The following PEAK1 variants were observed in gnomAD, a reference collection of about 807,000 sequenced individuals.
PEAK1 encodes the protein pseudopodium enriched atypical kinase 1.
A neutral mutation model predicts 124.7 loss-of-function variants in PEAK1; 54 were observed. That is an observed-to-expected ratio of 0.43 (90% confidence interval 0.35 to 0.54). The LOEUF (loss-of-function observed/expected upper bound fraction) is 0.54, where lower values mean the gene tolerates loss of function less well. PEAK1 is among the 20% of genes least tolerant of loss of function. The pLI, the probability that PEAK1 is intolerant of heterozygous loss-of-function variation, is 0.01. For missense variants in PEAK1, 2,046 were observed against 2,134.5 expected (o/e 0.96, Z 0.82); for synonymous variants, 719 against 760.0 (o/e 0.95, Z 0.89).
At chr15:77,306,051 T>TA (rs999872365) in intron 2 of PEAK1, among the ~76,000 whole-genome samples, 1 of 152,190 alleles carries the variant, frequency 6.6e-6, no homozygotes, top group African/African-American at 2.4e-5. Flanking sequence ...GAAAGGTACT[T>TA]AGACATATAA....
intron 6 of PEAK1, among the ~76,000 whole-genome samples, chr15:77,224,412 C>G (rs1427279586): frequency 1.3e-5 from 2 of 151,922 alleles, no homozygotes; most frequent in African/African-American, 2.4e-5. Context: ...TCTGATGGTG[C>G]CTTTCTTTCT....
intron 1 of PEAK1, chr15:77,404,066 C>G: frequency 1.0e-6 from 1 of 984,596 alleles, no homozygotes. Flanking sequence ...ATTTTACTGA[C>G]CATTCTGAGA....
chr15:77,361,827 A>G (rs937590024), intron 2 of PEAK1, among the ~76,000 whole-genome samples: 10 of 152,284 alleles, frequency 6.6e-5, no homozygotes, highest in African/African-American at 2.4e-4. Flanking sequence ...ATCAACCTAG[A>G]TGGCCAACAA....
At chr15:77,135,022 T>G (rs923754326) in intron 8 of PEAK1, among the ~76,000 whole-genome samples, 1 of 152,108 alleles carries the variant, frequency 6.6e-6, no homozygotes, top group South Asian at 2.1e-4. Context: ...ATACCAAGCA[T>G]TGATGGCCAC....
intron 9 of PEAK1, among the ~76,000 whole-genome samples, chr15:77,119,188 T>A (rs950182104): frequency 7.2e-5 from 11 of 152,192 alleles, no homozygotes; most frequent in Non-Finnish European, 1.6e-4. Flanking sequence ...GAGAAGCCCA[T>A]CCTGGGCACA....
chr15:77,283,844 A>C (rs1383915905), intron 5 of PEAK1, 39 bp downstream of exon 5: 2 of 944,410 alleles, frequency 2.1e-6, no homozygotes, highest in African/African-American at 3.6e-5. Context: ...AACCAAAATT[A>C]AATCAACTCA....
chr15:77,411,780 C>T (rs1230093393), intron 1 of PEAK1, among the ~76,000 whole-genome samples: 2 of 151,832 alleles, frequency 1.3e-5, no homozygotes, highest in Non-Finnish European at 2.9e-5. Flanking sequence ...TACTTTTTTA[C>T]TTTTTGTAAA....
chr15:77,116,748 CTATCTATA>C (rs2051424947), intron 9 of PEAK1, among the ~76,000 whole-genome samples: 2 of 137,266 alleles, frequency 1.5e-5, no homozygotes, highest in Non-Finnish European at 3.2e-5. Context: ...ATCTATCTAT[CTATCTATA>C]CCTCAGCACA....
At chr15:77,364,775 G>C (rs1597450850) in intron 2 of PEAK1, among the ~76,000 whole-genome samples, 4 of 152,216 alleles carry the variant, frequency 2.6e-5, no homozygotes, top group Non-Finnish European at 4.4e-5. Context: ...TAGAGTGGTA[G>C]AAAGCTCTTA....
rs114693086 is a variant in PEAK1, at chr15:77,244,019, T to A, written c.-115+8348A>T. On this transcript the variant is annotated intron_variant, in intron 6 of 9. Transcript: ENST00000682557. ...GAAACCCACAGATGGTTGGCAAAAG[T>A]GATCACATTCAACTCCTACTTCTCT... is the stretch of plus-strand genomic sequence containing the variant. Among the ~76,000 whole-genome samples, 21 of 151,604 alleles carry A rather than the reference T, an allele frequency of 1.4e-4. 2 individuals carry two copies. The highest frequency in any genetic ancestry group is 9.7e-4 in the East Asian group (5 of 5,180).
At chr15:77,116,844 G>T (rs573820654) in intron 9 of PEAK1, among the ~76,000 whole-genome samples, 1 of 152,000 alleles carries the variant, frequency 6.6e-6, no homozygotes, top group East Asian at 1.9e-4. Context: ...GCAAACTTCT[G>T]GTCTTGAACA....
intron 6 of PEAK1, among the ~76,000 whole-genome samples, chr15:77,250,201 A>G (rs1442676784): frequency 8.9e-6 from 1 of 112,960 alleles, no homozygotes; most frequent in Non-Finnish European, 2.1e-5. Flanking sequence ...ACATATATAT[A>G]CATATATATG....
intron 1 of PEAK1, chr15:77,370,831 A>T: frequency 1.4e-6 from 1 of 717,972 alleles, no homozygotes; most frequent in Non-Finnish European, 1.7e-6. Context: ...GGAGTTCGAG[A>T]CCATCCTGGC....
chr15:77,311,685 C>CAAAAAAAAAAAAAAAAAAAAAA (rs11296386), intron 2 of PEAK1, among the ~76,000 whole-genome samples: 1 of 85,872 alleles, frequency 1.2e-5, no homozygotes, highest in Non-Finnish European at 2.2e-5. Context: ...CCAACCCCCA[C>CAAAAAAAAAAAAAAAAAAAAAA]AAAAAAAAAA....
At chr15:77,119,203 C>A (rs1041685583) in intron 9 of PEAK1, among the ~76,000 whole-genome samples, 3 of 152,232 alleles carry the variant, frequency 2.0e-5, no homozygotes, top group Admixed American at 6.5e-5. Context: ...GGCACAGTGA[C>A]CCTCGCCCAC....
chr15:77,371,984 CATT>C lies in PEAK1; in HGVS notation c.-665-6762_-665-6760del, dbSNP rs1411334513. Among the ~76,000 whole-genome samples the C allele has an allele frequency of 2.0e-5, 3 of 152,326 alleles. No homozygotes were observed. The East Asian group carries it at 5.8e-4, about 29-fold the overall frequency. On this transcript the variant is annotated intron_variant, in intron 1 of 9. Coordinates refer to ENST00000682557, the MANE Select transcript of PEAK1 (RefSeq NM_001385026.1). Reference sequence around the variant, plus strand: ...ACATAATGGGTACTTTAAAATCACTCATTGAGTTGAACAGTCATAGAGAAAATG... The same window carrying C: ...ACATAATGGGTACTTTAAAATCACTCGAGTTGAACAGTCATAGAGAAAATG...
chr15:77,117,932 G>A (rs1263492539), intron 9 of PEAK1, among the ~76,000 whole-genome samples: 1 of 152,214 alleles, frequency 6.6e-6, no homozygotes, highest in Non-Finnish European at 1.5e-5. Flanking sequence ...AGAGCTTTGT[G>A]AGTAGACAAG....
chr15:77,185,602 C>A (rs778324026), intron 6 of PEAK1, among the ~76,000 whole-genome samples: 6 of 152,236 alleles, frequency 3.9e-5, no homozygotes, highest in Non-Finnish European at 8.8e-5. Context: ...CTATTTGGTT[C>A]AGTGGTGGGG....
Position 77,378,816 on chromosome 15 carries a change from T to C in PEAK1, c.-665-13591A>G, listed in dbSNP as rs933983740. ...AAACTACAAAAAGGCCCTCAATCTC[T>C]GCTACCAAGAATTGTGTTGGATTCA... On this transcript the variant is annotated intron_variant, in intron 1 of 9. Coordinates refer to ENST00000682557, the MANE Select transcript of PEAK1 (RefSeq NM_001385026.1). Among the ~76,000 whole-genome samples the C allele has an allele frequency of 3.3e-5, 5 of 152,182 alleles. No individual in the cohort carries two copies. The South Asian group carries it at 8.3e-4, about 25-fold the overall frequency.
Sources: gnomAD v4.1 joint callset for allele counts (sites outside exome capture counted in the v4.1 genomes callset) on GRCh38, gnomAD v4.1.1 for gene constraint, MANE v1.5 for transcripts, NCBI Gene and HGNC (gene_info 2026-07-23, HGNC 2026-07-21) for gene names.